CEP250: variants seen among roughly 807,000 people sequenced by gnomAD.
CEP250 encodes centrosome-associated protein CEP250.
A neutral mutation model predicts 315.7 loss-of-function variants in CEP250; 242 were observed. That is an observed-to-expected ratio of 0.77 (90% CI 0.69 to 0.85). The LOEUF (loss-of-function observed/expected upper bound fraction) is 0.85. Among genes scored for constraint, CEP250 ranks in the 40% least tolerant of loss-of-function variants. The pLI, the probability that CEP250 is intolerant of heterozygous loss-of-function variation, is 0.00. For missense variants in CEP250, 2,515 were observed against 2,886.4 expected (o/e 0.87, Z 2.95); for synonymous variants, 1,088 against 1,175.0 (o/e 0.93, Z 1.51).
chr20:35,462,360 G>A lies in CEP250; in HGVS notation c.-8G>A. The A allele has an allele frequency of 6.4e-7, 1 of 1,570,196 alleles. No homozygotes were observed. Among genetic ancestry groups the A allele is most frequent in the Non-Finnish European group, 8.7e-7 (1 of 1,155,286 alleles). On this transcript the variant is annotated 5_prime_UTR_variant, in exon 4 of 35. It adds an upstream start codon to the 5' untranslated region. Transcript: ENST00000397527. ...TAGGGACCTGTGGGCCTACCACCTG[G>A]TGCCCTCATGGAGACAAGAAGCCCT...
At chr20:35,473,175 A>G (rs990144725) in intron 12 of CEP250, among the ~76,000 whole-genome samples, 199 bp from the exon 13 acceptor site, 3 of 152,104 alleles carry the variant, frequency 2.0e-5, no homozygotes, top group African/African-American at 7.2e-5. Flanking sequence ...ACATTTGGAG[A>G]TGACGAACTC....
rs1214563180 is a variant in CEP250, at chr20:35,463,643, T to C, written c.243+12T>C. The C allele has an allele frequency of 1.2e-6, 2 of 1,602,056 alleles. No individual in the cohort carries two copies. Among genetic ancestry groups the C allele is most frequent in the Non-Finnish European group, 1.7e-6 (2 of 1,174,198 alleles). On this transcript the variant is annotated intron_variant, in intron 5 of 34. Coordinates refer to ENST00000397527, the MANE Select transcript of CEP250 (RefSeq NM_007186.6). ...TAGAAGCCACTGGAGTGAGTGAGGC[T>C]GAGCTCTCTGCACCCCCTGGGTCCT...
In CEP250 at chr20:35,467,480, A is replaced by G; in HGVS notation, c.776A>G (p.Glu259Gly). The G allele has an allele frequency of 6.2e-7, 1 of 1,614,148 alleles. No individual in the cohort carries two copies. The highest frequency in any genetic ancestry group is 8.5e-7 in the Non-Finnish European group (1 of 1,180,012). ...LLAKTQELEK[E>G]AHERSQELIQ... ...GCCAAGACCCAGGAGCTGGAGAAGG[A>G]AGCCCATGAAAGGAGCCAGGAGTTA... Residue 259 changes from glutamate (E) to glycine (G), a missense_variant, in exon 9 of 35, where the codon GAA (glutamate) becomes GGA (glycine). Coordinates refer to ENST00000397527, the MANE Select transcript of CEP250 (RefSeq NM_007186.6).
At position 35,493,426 on chromosome 20, in the gene CEP250, CAGG is replaced by C. The variant is rs779123495; in HGVS notation, c.2890_2892del (p.Glu964del). 3 of 1,578,442 alleles carry C rather than the reference CAGG, an allele frequency of 1.9e-6. No homozygotes were observed. The Admixed American group carries it at 5.8e-5, about 31-fold the overall frequency. On this transcript the variant is annotated splice_acceptor_variant and coding_sequence_variant, in exon 23 of 35. Transcript: ENST00000397527. LOFTEE classifies it high-confidence loss of function. Reference sequence around the variant, plus strand: ...TACTCAATGATTTCTTATCCCTCTTCAGGAGACCACTGGGATACTACAGACCCA... The same window carrying C: ...TACTCAATGATTTCTTATCCCTCTTCAGACCACTGGGATACTACAGACCCA...
Position 35,479,401 on chromosome 20 carries a change from C to T in CEP250, c.2265C>T (p.Leu755=), listed in dbSNP as rs769626475. ...LQAVERDRQD[L]AEQLQGLSSA... is the part of the protein sequence containing the mutation. ...CCGTGGAGCGTGACCGGCAGGACCT[C>T]GCTGAACAACTACAGGGGCTCAGGT... Residue 755 remains leucine, a synonymous_variant, in exon 18 of 35, where the codon CTC becomes CTT. Coordinates refer to ENST00000397527, the MANE Select transcript of CEP250 (RefSeq NM_007186.6). 12 of 1,613,772 alleles carry T rather than the reference C, an allele frequency of 7.4e-6. No homozygotes were observed. Among genetic ancestry groups the T allele is most frequent in the South Asian group, 6.6e-5 (6 of 91,058 alleles).
In CEP250 at chr20:35,511,680, T is replaced by C. The variant is rs1334213303; in HGVS notation, c.*54T>C. Reference sequence around the variant, plus strand: ...AGACTGTGTCATGGGTCATGGCCCCTCCGCACACCTACAGGTTTGCCAAAG... The same window carrying C: ...AGACTGTGTCATGGGTCATGGCCCCCCCGCACACCTACAGGTTTGCCAAAG... On this transcript the variant is annotated 3_prime_UTR_variant, in exon 35 of 35. Transcript: ENST00000397527. 19 of 1,547,722 alleles carry C rather than the reference T, an allele frequency of 1.2e-5. 1 individual carries two copies. The highest frequency in any genetic ancestry group is 1.7e-5 in the Non-Finnish European group (19 of 1,143,714).
At chr20:35,509,492 T>G (rs1332477109) in intron 33 of CEP250, among the ~76,000 whole-genome samples, 1 of 152,162 alleles carries the variant, frequency 6.6e-6, no homozygotes, top group African/African-American at 2.4e-5. Context: ...GTCCCTTTTT[T>G]GGGTAAGAGG....
At chr20:35,462,143 T>A in intron 3 of CEP250, 122 bp from the exon 4 acceptor site, 1 of 369,634 alleles carries the variant, frequency 2.7e-6, no homozygotes, top group Non-Finnish European at 4.9e-6. Context: ...ATTTGGGGAA[T>A]GATGCTCATC....
rs746919163 is a variant in CEP250, at chr20:35,472,777, C to G, written c.1155C>G (p.Asp385Glu). The change falls in exon 12 of 35, where the codon GAC (aspartate) becomes GAG (glutamate). Residue 385 changes from aspartate to glutamate, a missense_variant. By Grantham distance (45) the Asp-to-Glu change is conservative. Transcript: ENST00000397527. ...IFSQFDYQDA[D>E]KALTLVRSVL... Reference sequence around the variant, plus strand: ...CCCAGTTTGATTACCAGGATGCAGACAAGGCTCTTACTCTGGTGCGTTCAG... The same window carrying G: ...CCCAGTTTGATTACCAGGATGCAGAGAAGGCTCTTACTCTGGTGCGTTCAG... 3.1e-6 allele frequency: 5 copies of G among 1,614,046 alleles called. No individual in the cohort carries two copies. Among genetic ancestry groups the G allele is most frequent in the South Asian group, 2.2e-5 (2 of 91,080 alleles).
At chr20:35,491,190 T>G in intron 21 of CEP250, 22 bp from the exon 22 acceptor site, 1 of 1,609,276 alleles carries the variant, frequency 6.2e-7, no homozygotes, top group Non-Finnish European at 8.5e-7. Context: ...CCACAAGCTG[T>G]TACCCCCCTA....
chr20:35,462,685 C>G (rs2062783038), intron 4 of CEP250, 132 bp downstream of exon 4: 1 of 679,336 alleles, frequency 1.5e-6, no homozygotes, highest in South Asian at 2.0e-5. Context: ...GAGATAAGAC[C>G]CAGACCTTCT....
In CEP250 at chr20:35,512,162, A is replaced by T; in HGVS notation, c.*536A>T. 2.5e-6 allele frequency: 1 copy of T among 407,736 alleles called. No homozygotes were observed. The highest frequency in any genetic ancestry group is 3.3e-6 in the Non-Finnish European group (1 of 300,854). The allele number at this position is 407,736 out of a possible 1,614,324, so 25.3% of individuals were successfully genotyped here. On this transcript the variant is annotated 3_prime_UTR_variant, in exon 35 of 35. Transcript: ENST00000397527. Reference sequence around the variant, plus strand: ...CCTGTCCACAGACAGCCTACAGTCCAGTTGATGAGAACAGGCTAACACTCA... The same window carrying T: ...CCTGTCCACAGACAGCCTACAGTCCTGTTGATGAGAACAGGCTAACACTCA...
At chr20:35,481,946 C>T (rs1430337922) in intron 20 of CEP250, among the ~76,000 whole-genome samples, 1 of 152,024 alleles carries the variant, frequency 6.6e-6, no homozygotes, top group Non-Finnish European at 1.5e-5. Context: ...GCGATCCACC[C>T]GCCCTTGGCC....
intron 30 of CEP250, among the ~76,000 whole-genome samples, chr20:35,505,833 G>T (rs2064171821): frequency 6.6e-6 from 1 of 152,126 alleles, no homozygotes; most frequent in Non-Finnish European, 1.5e-5. Flanking sequence ...GACAGCAGGG[G>T]CCACACCTGT....
chr20:35,516,968 T>A lies in CEP250; in HGVS notation c.*5342T>A. 1.0e-6 allele frequency: 1 copy of A among 985,496 alleles called. No homozygotes were observed. Among genetic ancestry groups the A allele is most frequent in the African/African-American group, 1.7e-5 (1 of 57,362 alleles). The allele number at this position is 985,496 out of a possible 1,614,324, so 61.0% of individuals were successfully genotyped here. A position where few individuals can be genotyped will look rare whatever the true frequency, so the allele number is the denominator to read the frequency against. On this transcript the variant is annotated 3_prime_UTR_variant, in exon 35 of 35. Coordinates refer to ENST00000397527, the MANE Select transcript of CEP250 (RefSeq NM_007186.6). ...TCAAACCCCCCCATTGAAGGCTACA[T>A]TCTTGTCCCACAGGGCAGAGCACAT...
intron 1 of CEP250, among the ~76,000 whole-genome samples, chr20:35,457,822 G>T (rs2062666504): frequency 6.6e-6 from 1 of 152,038 alleles, no homozygotes; most frequent in Non-Finnish European, 1.5e-5. Context: ...AACACTGGAT[G>T]AGATTACCTT....
chr20:35,502,328 G>T, intron 29 of CEP250, 62 bp from the exon 30 acceptor site: 1 of 1,360,846 alleles, frequency 7.3e-7, no homozygotes. Flanking sequence ...GAGAAGGGTC[G>T]GTGTTGGGGT....
Position 35,491,349 on chromosome 20 carries a change from A to G in CEP250, c.2889+3A>G. 1 of 1,584,532 alleles carries G rather than the reference A, an allele frequency of 6.3e-7. No individual in the cohort carries two copies. Among genetic ancestry groups the G allele is most frequent in the South Asian group, 1.1e-5 (1 of 86,966 alleles). ...AAGTCCAGAAATTAAAGGAGCAGGTATGGAGGGTGGTCTCGGGAGTAGGGG... is the reference window on the plus strand; with the variant it reads ...AAGTCCAGAAATTAAAGGAGCAGGTGTGGAGGGTGGTCTCGGGAGTAGGGG... On this transcript the variant is annotated splice_donor_region_variant and intron_variant, in intron 22 of 34. Transcript: ENST00000397527.
rs1438061248 is a variant in CEP250 at position 35,508,948 on chromosome 20, G to A, written c.6912G>A (p.Glu2304=). 8 of 1,553,032 alleles carry A rather than the reference G, an allele frequency of 5.2e-6. No homozygotes were observed. The highest frequency in any genetic ancestry group is 2.4e-5 in the East Asian group (1 of 41,328). ...VQLRSTLEQV[E]RERRKLKREA... ...TCTTATTTGCACCTTGGCAGGTGGA[G>A]CGAGAACGGAGGAAGCTGAAGAGGG... is the stretch of plus-strand genomic sequence containing the variant. Residue 2304 remains glutamate (E), a synonymous_variant, in exon 33 of 35, where the codon GAG becomes GAA. Coordinates refer to ENST00000397527, the MANE Select transcript of CEP250 (RefSeq NM_007186.6).
Sources: gnomAD v4.1 joint callset for allele counts (sites outside exome capture counted in the v4.1 genomes callset) on GRCh38, gnomAD v4.1.1 for gene constraint, MANE v1.5 for transcripts, NCBI Gene and HGNC (gene_info 2026-07-23, HGNC 2026-07-21) for gene names.